The following NLRP3 variants were observed in gnomAD, a reference collection of about 807,000 sequenced individuals.
NLRP3 encodes the protein NLR family pyrin domain containing 3.
A neutral mutation model predicts 91.3 loss-of-function variants in NLRP3; 48 were observed. The observed-to-expected ratio is 0.53, with a 90% CI of 0.42 to 0.67. The LOEUF is 0.67. Ranked by LOEUF, NLRP3 falls within the 30% of genes least tolerant of loss-of-function variation. The pLI is 0.00. For synonymous variants in NLRP3, 561 were observed against 507.9 expected, an observed-to-expected ratio of 1.10 and a Z score of -1.41; for missense variants, 982 against 1,276.9, an observed-to-expected ratio of 0.77 and a Z score of 3.52.
In NLRP3 at chr1:247,424,635, C is replaced by G. The variant is rs906785956; in HGVS notation, c.1186C>G (p.Leu396Val). Reference sequence around the variant, plus strand: ...GGCCCAAGCCAGGGCAGCCTTCAGTCTGATTCAGGAGAACGAGGTCCTCTT... The same window carrying G: ...GGCCCAAGCCAGGGCAGCCTTCAGTGTGATTCAGGAGAACGAGGTCCTCTT... The part of the protein sequence containing the change: ...DEAQARAAFS[L>V]IQENEVLFTM... The change falls in exon 4 of 10, where the codon CTG becomes GTG. Residue 396 changes from leucine to valine, a missense_variant. Leu to Val is a conservative substitution (Grantham distance 32, BLOSUM62 1). This residue lies in a region of NLRP3 where 548 missense variants were observed against 713.7 expected (regional missense o/e 0.77). Transcript: ENST00000336119. The surrounding 1 kb of genome is among the most constrained non-coding windows in gnomAD (Gnocchi z 8.1). 3 of 1,614,142 alleles carry G rather than the reference C, an allele frequency of 1.9e-6. No individual in the cohort carries two copies. The highest frequency in any genetic ancestry group is 1.7e-6 in the Non-Finnish European group (2 of 1,180,058).
Position 247,425,344 on chromosome 1 carries a change from T to G in NLRP3, c.1895T>G (p.Leu632Trp). Residue 632 changes from leucine to tryptophan, a missense_variant, in exon 4 of 10, where the codon TTG becomes TGG. Leu to Trp is a moderately conservative substitution (Grantham distance 61). Around this residue, in one of 5 missense-constraint regions of NLRP3, gnomAD observed 373 missense variants for 431.5 expected, o/e 0.86. Transcript: ENST00000336119. This position sits in a 1 kb window ranked among gnomAD's most constrained non-coding sequence, Gnocchi z 4.1. ...QPSQLELFYC[L>W]YEMQEEDFVQ... ...AGCCAGCTGGAATTGTTCTACTGTTTGTACGAGATGCAGGAGGAGGACTTC... is the reference window on the plus strand; with the variant it reads ...AGCCAGCTGGAATTGTTCTACTGTTGGTACGAGATGCAGGAGGAGGACTTC... The G allele has an allele frequency of 1.2e-6, 2 of 1,614,202 alleles. No homozygotes were observed. The highest frequency in any genetic ancestry group is 1.7e-6 in the Non-Finnish European group (2 of 1,180,032).
chr1:247,443,984 T>A lies in NLRP3; in HGVS notation c.2676T>A (p.Ser892=). The A allele has an allele frequency of 6.2e-7, 1 of 1,614,138 alleles. No homozygotes were observed. Among genetic ancestry groups the A allele is most frequent in the Non-Finnish European group, 8.5e-7 (1 of 1,179,994 alleles). Residue 892 remains serine (S), a synonymous_variant, in exon 8 of 10, where the codon TCT becomes TCA. Transcript: ENST00000336119. ...TGTCCTTCTACAGGTTGGTGAATTCTGGCCTTACGTCAGTCTGTTGTTCAG... is the reference window on the plus strand; with the variant it reads ...TGTCCTTCTACAGGTTGGTGAATTCAGGCCTTACGTCAGTCTGTTGTTCAG... ...CNLQKLGLVN[S]GLTSVCCSAL...
intron 2 of NLRP3, among the ~76,000 whole-genome samples, chr1:247,419,454 C>T (rs57801316): frequency 0.098 from 14,959 of 152,098 alleles, 1,229 homozygotes; most frequent in African/African-American, 0.22. Flanking sequence ...CGCGCCCGGC[C>T]GTAATAATTT....
intron 2 of NLRP3, 43 bp downstream of exon 2, chr1:247,419,120 C>T (rs200320843): frequency 3.5e-5 from 55 of 1,553,686 alleles, no homozygotes; most frequent in Middle Eastern, 1.7e-4. Context: ...TGGCCAAGTG[C>T]ACATAGTGTA....
rs138686350 is a variant in NLRP3 at position 247,436,524 on chromosome 1, C to T, written c.2663+384C>T. ...CCTCTACACTAGGAAAGAGCTCTCA[C>T]CCTGCAGCCTCTACACTAGGAGAGG... On this transcript the variant is annotated intron_variant, in intron 7 of 9. Coordinates refer to ENST00000336119, the MANE Select transcript of NLRP3 (RefSeq NM_001243133.2). 3.2e-3 allele frequency among the ~76,000 whole-genome samples: 482 copies of T among 152,216 alleles called. 3 individuals are homozygous for T. The highest frequency in any genetic ancestry group is 0.011 in the African/African-American group (467 of 41,524).
chr1:247,420,861 C>A (rs919413030), intron 2 of NLRP3, among the ~76,000 whole-genome samples: 2 of 152,206 alleles, frequency 1.3e-5, no homozygotes, highest in Admixed American at 6.5e-5. Flanking sequence ...CCCCTGGGCA[C>A]CTGCCATGAT....
Position 247,448,625 on chromosome 1 carries a change from G to T in NLRP3, c.*121G>T. On this transcript the variant is annotated 3_prime_UTR_variant, in exon 10 of 10. Coordinates refer to ENST00000336119, the MANE Select transcript of NLRP3 (RefSeq NM_001243133.2). The stretch of plus-strand genomic sequence containing the variant: ...ACAGCTCTGTGATCCTTCCGGTGGA[G>T]TGTCGGAGAAGAGAGCTTGCCGACG... 1.3e-6 allele frequency: 1 copy of T among 743,124 alleles called. No individual in the cohort carries two copies. The highest frequency in any genetic ancestry group is 2.5e-6 in the Non-Finnish European group (1 of 404,010). 46.0% of individuals were successfully genotyped at this position (743,124 alleles called of 1,614,324 possible). A position where few individuals can be genotyped will look rare whatever the true frequency, so the allele number is the denominator to read the frequency against.
At chr1:247,445,918 C>T (rs937416112) in intron 9 of NLRP3, among the ~76,000 whole-genome samples, 18 of 152,124 alleles carry the variant, frequency 1.2e-4, no homozygotes, top group Non-Finnish European at 1.2e-4. Flanking sequence ...GTGCTGTGGC[C>T]TCCAGATTAT....
intron 7 of NLRP3, among the ~76,000 whole-genome samples, chr1:247,438,618 A>G (rs1164617439): frequency 6.6e-6 from 1 of 152,192 alleles, no homozygotes; most frequent in Non-Finnish European, 1.5e-5. Context: ...TTCTGACCTC[A>G]GGTGATCTGC....
In NLRP3 at chr1:247,419,084, G is replaced by A. The variant is rs1278617996; in HGVS notation, c.277+7G>A. 9 of 1,606,604 alleles carry A rather than the reference G, an allele frequency of 5.6e-6. No individual in the cohort carries two copies. ...AGAGATGAGCCGAAGTGGGGTGAGT[G>A]GAAGGAAGACTTTTAAAAAAAATTG... On this transcript the variant is annotated splice_region_variant and intron_variant, in intron 2 of 9. Transcript: ENST00000336119.
chr1:247,429,694 C>T lies in NLRP3; in HGVS notation c.2260C>T (p.Pro754Ser). ...LDLSDNSLGD[P>S]GMRVLCETLQ... is the part of the protein sequence containing the mutation. ...CCTCAGTGACAATTCTCTGGGGGAC[C>T]CAGGGATGAGAGTGTTGTGTGAAAC... The change falls in exon 5 of 10, where the codon CCA becomes TCA. Residue 754 changes from proline (P) to serine (S), a missense_variant. Around this residue, in one of 5 missense-constraint regions of NLRP3, gnomAD observed 373 missense variants for 431.5 expected, o/e 0.86. Transcript: ENST00000336119. The T allele has an allele frequency of 3.1e-6, 5 of 1,614,000 alleles. No individual in the cohort carries two copies. Among genetic ancestry groups the T allele is most frequent in the Non-Finnish European group, 4.2e-6 (5 of 1,179,982 alleles).
intron 3 of NLRP3, among the ~76,000 whole-genome samples, chr1:247,423,643 T>C (rs1320097067): frequency 1.3e-5 from 2 of 152,036 alleles, no homozygotes; most frequent in Non-Finnish European, 2.9e-5. Context: ...TAGCTACACA[T>C]AGAGATGGGC....
rs180177481 is a variant in NLRP3, at chr1:247,424,823, C to A, written c.1374C>A (p.His458Gln). The change falls in exon 4 of 10, where the codon CAC becomes CAA. Residue 458 changes from histidine to glutamine, a missense_variant. Around this residue, in one of 5 missense-constraint regions of NLRP3, gnomAD observed 548 missense variants for 713.7 expected, o/e 0.77. Transcript: ENST00000336119. This position sits in a 1 kb window ranked among gnomAD's most constrained non-coding sequence, Gnocchi z 8.1. Reference protein sequence around the residue: ...LLQPRGGSQEHGLCAHLWGLC... With the variant: ...LLQPRGGSQEQGLCAHLWGLC... ...AGCCCCGGGGAGGGAGCCAGGAGCA[C>A]GGCCTCTGCGCCCACCTCTGGGGGC... 1.2e-5 allele frequency: 19 copies of A among 1,607,892 alleles called. No individual in the cohort carries two copies. Among genetic ancestry groups the A allele is most frequent in the African/African-American group, 5.3e-5 (4 of 74,916 alleles).
Position 247,424,580 on chromosome 1 carries a change from A to G in NLRP3, c.1131A>G (p.Lys377=), listed in dbSNP as rs755556220. 6.2e-6 allele frequency: 10 copies of G among 1,614,244 alleles called. No individual in the cohort carries two copies. Among genetic ancestry groups the G allele is most frequent in the Non-Finnish European group, 8.5e-6 (10 of 1,180,040 alleles). The change falls in exon 4 of 10, where the codon AAA becomes AAG. Residue 377 remains lysine, a synonymous_variant. Coordinates refer to ENST00000336119, the MANE Select transcript of NLRP3 (RefSeq NM_001243133.2). The surrounding 1 kb of genome is among the most constrained non-coding windows in gnomAD (Gnocchi z 8.1). ...EILGFSEAKR[K]EYFFKYFSDE... ...TGGGTTTCTCCGAGGCCAAAAGGAA[A>G]GAGTACTTCTTCAAGTACTTCTCTG...
At chr1:247,427,220 T>C (rs1364149825) in intron 4 of NLRP3, among the ~76,000 whole-genome samples, 1 of 152,160 alleles carries the variant, frequency 6.6e-6, no homozygotes, top group Non-Finnish European at 1.5e-5. Flanking sequence ...ATCCCACTCC[T>C]GAGGGCTCCA....
At position 247,419,164 on chromosome 1, in the gene NLRP3, A is replaced by ATATT. The variant is rs1491303088; in HGVS notation, c.277+88_277+89insATTT. 2,442 of 692,832 alleles carry ATATT rather than the reference A, an allele frequency of 3.5e-3. 33 individuals carry two copies. In the Admixed American group the frequency reaches 0.045, roughly 13 times the overall value. 42.9% of individuals were successfully genotyped at this position (692,832 alleles called of 1,614,324 possible). ...CATCTTTATATATATATATATATAT[A>ATATT]TTTTTTTTTGAGACGGAGTTGCTCT... On this transcript the variant is annotated intron_variant, in intron 2 of 9. Transcript: ENST00000336119.
intron 4 of NLRP3, among the ~76,000 whole-genome samples, chr1:247,426,548 A>G (rs1662903247): frequency 2.0e-5 from 3 of 152,202 alleles, no homozygotes; most frequent in Admixed American, 6.5e-5. Context: ...ACAGGCAACA[A>G]TGAGTTTCAG....
chr1:247,443,220 T>C (rs531265639), intron 7 of NLRP3, among the ~76,000 whole-genome samples: 6 of 152,278 alleles, frequency 3.9e-5, no homozygotes, highest in Admixed American at 3.9e-4. Context: ...CATAAGCCAC[T>C]GCACCTGGCC....
chr1:247,418,729 G>A lies in NLRP3; in HGVS notation c.-72G>A, dbSNP rs200386207. 75 of 1,571,220 alleles carry A rather than the reference G, an allele frequency of 4.8e-5. No homozygotes were observed. Among genetic ancestry groups the A allele is most frequent in the Non-Finnish European group, 5.7e-5 (65 of 1,143,280 alleles). Reference sequence around the variant, plus strand: ...GAGACTTTAAAAAAGACTCATCCGTGTGCCGTGTTCACTGCCTGGTATCTT... The same window carrying A: ...GAGACTTTAAAAAAGACTCATCCGTATGCCGTGTTCACTGCCTGGTATCTT... On this transcript the variant is annotated 5_prime_UTR_variant, in exon 2 of 10. The change creates a new upstream start codon in the 5' untranslated region. Transcript: ENST00000336119.
Sources: allele counts gnomAD v4.1 joint callset (sites outside exome capture counted in the v4.1 genomes callset), GRCh38; gene constraint gnomAD v4.1.1; regional missense constraint gnomAD v4.1.1; non-coding constraint Gnocchi (gnomAD v3.1); transcripts MANE v1.5; gene names NCBI Gene and HGNC (gene_info 2026-07-23, HGNC 2026-07-21).